Variants in CSTPP1 observed in about 807,000 individuals in gnomAD.
CSTPP1 encodes the protein centriolar satellite-associated tubulin polyglutamylase complex regulator 1.
chr11:46,998,804 C>A, the CSTPP1 span, among the ~76,000 whole-genome samples: 1 of 151,964 alleles, frequency 6.6e-6, no homozygotes, highest in Non-Finnish European at 1.5e-5. Context: ...GGCGCGATCT[C>A]GGCTCACCGC....
chr11:47,116,301 G>A, the CSTPP1 span, among the ~76,000 whole-genome samples: 66 of 152,298 alleles, frequency 4.3e-4, no homozygotes, highest in Non-Finnish European at 6.6e-4. Context: ...TGTTGATTTG[G>A]GGTGGAAAGT....
chr11:47,109,748 C>T, the CSTPP1 span, among the ~76,000 whole-genome samples: 1 of 152,216 alleles, frequency 6.6e-6, no homozygotes, highest in Non-Finnish European at 1.5e-5. Flanking sequence ...TCCCCACCCT[C>T]CCCCATGGCA....
the CSTPP1 span, among the ~76,000 whole-genome samples, chr11:47,028,807 C>T: frequency 1.3e-5 from 2 of 152,058 alleles, no homozygotes; most frequent in Admixed American, 6.6e-5. Flanking sequence ...GGTCAGGAGA[C>T]AAAATCATGC....
the CSTPP1 span, among the ~76,000 whole-genome samples, chr11:46,972,482 T>G: frequency 6.6e-6 from 1 of 152,176 alleles, no homozygotes; most frequent in Non-Finnish European, 1.5e-5. Flanking sequence ...TGAAGGTCAG[T>G]TCTTTCCTTT....
At chr11:47,090,911 C>T in the CSTPP1 span, among the ~76,000 whole-genome samples, 4 of 148,778 alleles carry the variant, frequency 2.7e-5, no homozygotes, top group Non-Finnish European at 3.0e-5. Context: ...CGGTGGCGGG[C>T]GCCTGTGGTC....
the CSTPP1 span, among the ~76,000 whole-genome samples, chr11:47,105,800 A>G: frequency 6.6e-6 from 1 of 152,342 alleles, no homozygotes; most frequent in South Asian, 2.1e-4. Context: ...CAAGCACATA[A>G]AATGCAAGCT....
chr11:47,144,122 T>C, the CSTPP1 span, among the ~76,000 whole-genome samples: 16 of 152,202 alleles, frequency 1.1e-4, no homozygotes, highest in African/African-American at 3.4e-4. Flanking sequence ...ACTCATAGGG[T>C]GTTTGTAAGA....
the CSTPP1 span, among the ~76,000 whole-genome samples, chr11:47,053,962 A>AACC: frequency 6.6e-6 from 1 of 151,890 alleles, no homozygotes; most frequent in Non-Finnish European, 1.5e-5. Flanking sequence ...ACAAACAAAC[A>AACC]AAAAAGTTAA....
the CSTPP1 span, chr11:46,936,948 T>G: frequency 7.2e-5 from 51 of 704,366 alleles, no homozygotes; most frequent in Non-Finnish European, 8.5e-5. Flanking sequence ...TGGGATCGGG[T>G]CCGGGTGGTA....
the CSTPP1 span, among the ~76,000 whole-genome samples, chr11:47,026,483 A>G: frequency 1.3e-5 from 2 of 152,236 alleles, no homozygotes; most frequent in African/African-American, 4.8e-5. Context: ...TTTGGAAGAC[A>G]GGAAGAAATC....
chr11:46,990,338 T>G, the CSTPP1 span, among the ~76,000 whole-genome samples: 1 of 152,260 alleles, frequency 6.6e-6, no homozygotes, highest in Non-Finnish European at 1.5e-5. Context: ...ATAGTCATTC[T>G]GACTGGCATG....
At chr11:47,107,858 C>CT in the CSTPP1 span, among the ~76,000 whole-genome samples, 1 of 152,082 alleles carries the variant, frequency 6.6e-6, no homozygotes, top group Non-Finnish European at 1.5e-5. Flanking sequence ...GTACAATTCC[C>CT]CCCCAGTTCC....
At chr11:46,989,793 C>A in the CSTPP1 span, among the ~76,000 whole-genome samples, 1 of 152,134 alleles carries the variant, frequency 6.6e-6, no homozygotes, top group African/African-American at 2.4e-5. Context: ...ACCCATTACC[C>A]CTCTCCCTTC....
chr11:47,008,858 G>A, the CSTPP1 span, among the ~76,000 whole-genome samples: 29 of 151,864 alleles, frequency 1.9e-4, no homozygotes, highest in African/African-American at 6.0e-4. Context: ...GTGAAACCCC[G>A]TCTCTACTAA....
At chr11:47,068,867 A>C in the CSTPP1 span, among the ~76,000 whole-genome samples, 6,874 of 152,222 alleles carry the variant, frequency 0.045, 535 homozygotes, top group African/African-American at 0.16. Context: ...CTTTCATGCC[A>C]ATATAGTCCT....
the CSTPP1 span, among the ~76,000 whole-genome samples, chr11:47,032,482 TAAAGA>T: frequency 3.3e-5 from 5 of 152,146 alleles, no homozygotes; most frequent in South Asian, 1.0e-3. Context: ...CATATTTGAC[TAAAGA>T]AAATGGAAGC....
the CSTPP1 span, among the ~76,000 whole-genome samples, chr11:46,975,520 C>A: frequency 6.6e-6 from 1 of 152,104 alleles, no homozygotes; most frequent in Non-Finnish European, 1.5e-5. Flanking sequence ...TTTGAACCCT[C>A]TTATGTATAT....
At chr11:47,115,945 G>A in the CSTPP1 span, among the ~76,000 whole-genome samples, 1 of 152,104 alleles carries the variant, frequency 6.6e-6, no homozygotes, top group Non-Finnish European at 1.5e-5. Context: ...GCTTTCTCTT[G>A]TGGGCATTTA....
At chr11:47,138,278 AACTC>A in the CSTPP1 span, among the ~76,000 whole-genome samples, 2 of 152,190 alleles carry the variant, frequency 1.3e-5, no homozygotes, top group Admixed American at 6.5e-5. Context: ...ATGTCTTCAG[AACTC>A]ACTCACTATC....
Sources: gnomAD v4.1 joint callset for allele counts (sites outside exome capture counted in the v4.1 genomes callset) on GRCh38, gnomAD v4.1.1 for gene constraint, MANE v1.5 for transcripts, NCBI Gene and HGNC (gene_info 2026-07-23, HGNC 2026-07-21) for gene names.